The following RORA variants were observed in gnomAD, a reference collection of about 807,000 sequenced individuals.
RORA encodes RAR related orphan receptor A.
In RORA, 7 loss-of-function variants were observed where a neutral mutation model predicts 69.5. That is an observed-to-expected ratio of 0.10 (90% CI 0.06 to 0.19). The LOEUF (loss-of-function observed/expected upper bound fraction) is 0.19, where lower values mean the gene tolerates loss of function less well. Among genes scored for constraint, RORA ranks in the 10% least tolerant of loss-of-function variants. The probability of loss-of-function intolerance (pLI) is 1.00; values close to 1 mark genes in which losing one functional copy is unlikely to be tolerated. For missense variants in RORA, 457 were observed against 663.0 expected (o/e 0.69, Z 3.41); for synonymous variants, 261 against 240.8 (o/e 1.08, Z -0.78).
chr15:61,063,325 GCAGA>G (rs2078212814), intron 1 of RORA, among the ~76,000 whole-genome samples: 1 of 152,160 alleles, frequency 6.6e-6, no homozygotes, highest in Non-Finnish European at 1.5e-5. Context: ...GAGAAAAAAG[GCAGA>G]CAGAAGCCAC....
In RORA at chr15:61,005,253, G is replaced by C. The variant is rs549898970; in HGVS notation, c.166+223800C>G. Among the ~76,000 whole-genome samples the C allele has an allele frequency of 7.9e-5, 12 of 152,296 alleles. 2 individuals carry two copies. The South Asian group carries it at 2.5e-3, about 32-fold the overall frequency. ...TCAGCACTTTGGGAGGCCGAGGCAG[G>C]CTGATCATTTGAGGTCAGGAGTTCG... On this transcript the variant is annotated intron_variant, in intron 1 of 10. Coordinates refer to ENST00000335670, the MANE Select transcript of RORA (RefSeq NM_134261.3).
chr15:60,544,520 C>G lies in RORA; in HGVS notation c.197-12669G>C, dbSNP rs1328724424. On this transcript the variant is annotated intron_variant, in intron 2 of 10. Coordinates refer to ENST00000335670, the MANE Select transcript of RORA (RefSeq NM_134261.3). The stretch of plus-strand genomic sequence containing the variant: ...TGCTTAATGTTAGAAAATAACATTA[C>G]TACTATGAAACGAAGAGAATTTTTT... Among the ~76,000 whole-genome samples the G allele has an allele frequency of 2.6e-5, 4 of 152,226 alleles. No homozygotes were observed. In the East Asian group the frequency reaches 5.8e-4, roughly 22 times the overall value.
chr15:60,572,008 C>G (rs1164972901), intron 2 of RORA, among the ~76,000 whole-genome samples: 1 of 152,188 alleles, frequency 6.6e-6, no homozygotes, highest in East Asian at 1.9e-4. Context: ...ATAGGAGTAG[C>G]TCATGAATCC....
intron 1 of RORA, among the ~76,000 whole-genome samples, chr15:60,849,229 T>C (rs1257676379): frequency 6.6e-6 from 1 of 152,200 alleles, no homozygotes; most frequent in East Asian, 1.9e-4. Context: ...TATGTTATGA[T>C]TACCTCTGAG....
At chr15:60,587,248 G>A (rs2068362322) in intron 2 of RORA, among the ~76,000 whole-genome samples, 1 of 151,704 alleles carries the variant, frequency 6.6e-6, no homozygotes, top group African/African-American at 2.4e-5. Context: ...CATGGTTGAA[G>A]AGAGCTAATG....
chr15:60,971,178 A>C (rs17204698), intron 1 of RORA, among the ~76,000 whole-genome samples: 23,216 of 152,208 alleles, frequency 0.15, 2,053 homozygotes, highest in Non-Finnish European at 0.2. Flanking sequence ...CATGTGTTAG[A>C]GGAAACTCAG....
intron 1 of RORA, among the ~76,000 whole-genome samples, chr15:61,192,402 G>C (rs971909694): frequency 1.3e-5 from 2 of 152,192 alleles, no homozygotes; most frequent in African/African-American, 4.8e-5. Context: ...TATACAATCA[G>C]TAAAAGATGA....
At chr15:60,777,618 G>C (rs937509784) in intron 1 of RORA, among the ~76,000 whole-genome samples, 1 of 152,052 alleles carries the variant, frequency 6.6e-6, no homozygotes, top group African/African-American at 2.4e-5. Flanking sequence ...TATCACTGTG[G>C]GCTGCAGTCC....
chr15:61,224,743 A>G (rs2080130328), intron 1 of RORA, among the ~76,000 whole-genome samples: 1 of 152,178 alleles, frequency 6.6e-6, no homozygotes, highest in African/African-American at 2.4e-5. Flanking sequence ...AAATCCTCAG[A>G]ACATTTTTAT....
chr15:60,676,013 T>C (rs532418893), intron 2 of RORA, among the ~76,000 whole-genome samples: 1 of 152,314 alleles, frequency 6.6e-6, no homozygotes, highest in East Asian at 1.9e-4. Flanking sequence ...ATGGAAGTTT[T>C]GAGACGGTAC....
chr15:60,782,085 C>T (rs987145182), intron 1 of RORA, among the ~76,000 whole-genome samples: 6 of 152,130 alleles, frequency 3.9e-5, no homozygotes, highest in African/African-American at 2.4e-5. Context: ...ATTAGTCAGG[C>T]GTGGTGGCAG....
chr15:61,030,863 G>A (rs1332176658), intron 1 of RORA, among the ~76,000 whole-genome samples: 1 of 152,142 alleles, frequency 6.6e-6, no homozygotes, highest in African/African-American at 2.4e-5. Context: ...AAATGATTGT[G>A]AAGGATATTA....
chr15:61,191,903 C>G (rs958712750), intron 1 of RORA, among the ~76,000 whole-genome samples: 1 of 152,216 alleles, frequency 6.6e-6, no homozygotes, highest in African/African-American at 2.4e-5. Flanking sequence ...ATGTCAAATA[C>G]TATTGCCATT....
intron 1 of RORA, among the ~76,000 whole-genome samples, chr15:61,203,650 G>T (rs2079914354): frequency 6.6e-6 from 1 of 152,124 alleles, no homozygotes; most frequent in African/African-American, 2.4e-5. Flanking sequence ...AAAGACAAAA[G>T]TGTCCACGAA....
chr15:60,496,379 A>C lies in RORA; in HGVS notation c.*1076T>G, dbSNP rs1309117471. On this transcript the variant is annotated 3_prime_UTR_variant, in exon 11 of 11. Coordinates refer to ENST00000335670, the MANE Select transcript of RORA (RefSeq NM_134261.3). This position sits in a 1 kb window ranked among gnomAD's most constrained non-coding sequence, Gnocchi z 4.5. ...AGAATTCCAAGTTGAGACCGAGTCCATATTTAACTACTGAATTGTGTAAAA... is the reference window on the plus strand; with the variant it reads ...AGAATTCCAAGTTGAGACCGAGTCCCTATTTAACTACTGAATTGTGTAAAA... 1 of 152,162 alleles carries C rather than the reference A, an allele frequency of 6.6e-6. No homozygotes were observed. Among genetic ancestry groups the C allele is most frequent in the Non-Finnish European group, 1.5e-5 (1 of 68,028 alleles). The allele number at this position is 152,162 out of a possible 1,614,324, so 9.4% of individuals were successfully genotyped here.
chr15:61,156,957 C>T (rs2079449564), intron 1 of RORA, among the ~76,000 whole-genome samples: 1 of 152,120 alleles, frequency 6.6e-6, no homozygotes, highest in South Asian at 2.1e-4. Context: ...CTGCCAGAGC[C>T]TCCAGTTCCT....
chr15:60,921,652 T>C (rs1006031056), intron 1 of RORA, among the ~76,000 whole-genome samples: 5 of 152,182 alleles, frequency 3.3e-5, no homozygotes, highest in African/African-American at 1.2e-4. Flanking sequence ...CTGTGCACAT[T>C]TCTTTGTATG....
At chr15:60,842,285 G>A (rs2073209369) in intron 1 of RORA, among the ~76,000 whole-genome samples, 1 of 151,984 alleles carries the variant, frequency 6.6e-6, no homozygotes, top group Non-Finnish European at 1.5e-5. Context: ...TATCATCCCT[G>A]CAGGAATATC....
chr15:60,700,891 G>A (rs893106110), intron 1 of RORA, among the ~76,000 whole-genome samples: 3 of 152,208 alleles, frequency 2.0e-5, no homozygotes, highest in African/African-American at 7.2e-5. Flanking sequence ...AATCCAGCCT[G>A]CTGTGGTCTG....
Sources: gnomAD v4.1 joint callset for allele counts (sites outside exome capture counted in the v4.1 genomes callset) on GRCh38, gnomAD v4.1.1 for gene constraint, Gnocchi (gnomAD v3.1) non-coding constraint, MANE v1.5 for transcripts, NCBI Gene and HGNC (gene_info 2026-07-23, HGNC 2026-07-21) for gene names.